LYPLAL1: variants seen among roughly 807,000 people sequenced by gnomAD.
LYPLAL1 encodes lysophospholipase like 1, also known as lysophospholipase-like protein 1.
Under a neutral mutation model 19.7 loss-of-function variants are expected in LYPLAL1, and 23 were observed. The ratio of observed to expected loss-of-function variants is 1.17; its 90% confidence interval spans 0.84 to 1.65. The LOEUF (loss-of-function observed/expected upper bound fraction) is 1.65. Among genes scored for constraint, LYPLAL1 ranks in the 40% most tolerant of loss-of-function variants. The pLI, the probability that LYPLAL1 is intolerant of heterozygous loss-of-function variation, is 0.00. For synonymous variants in LYPLAL1, 119 were observed against 96.3 expected (o/e 1.24, Z -1.38); for missense variants, 355 against 279.4 (o/e 1.27, Z -1.93).
the LYPLAL1 span, among the ~76,000 whole-genome samples, chr1:219,358,155 A>T: frequency 6.6e-6 from 1 of 152,140 alleles, no homozygotes; most frequent in African/African-American, 2.4e-5. Flanking sequence ...TGAAAATTCT[A>T]AAAAAATCAT....
At chr1:219,400,489 GTCTATCTA>G in the LYPLAL1 span, among the ~76,000 whole-genome samples, 3 of 142,188 alleles carry the variant, frequency 2.1e-5, no homozygotes, top group African/African-American at 7.5e-5. Flanking sequence ...CTATCTATCT[GTCTATCTA>G]TCTTTTTTTT....
intron 2 of LYPLAL1, among the ~76,000 whole-genome samples, chr1:219,188,592 G>A (rs934696575): frequency 4.0e-5 from 6 of 151,498 alleles, no homozygotes; most frequent in African/African-American, 2.4e-5. Flanking sequence ...GTGCCAATTT[G>A]TTAACTTAAA....
the LYPLAL1 span, among the ~76,000 whole-genome samples, chr1:219,330,218 A>G: frequency 3.3e-5 from 5 of 152,232 alleles, no homozygotes; most frequent in Non-Finnish European, 4.4e-5. Context: ...GGCAAAAGCT[A>G]GTAAGCCACA....
chr1:219,390,307 C>T, the LYPLAL1 span, among the ~76,000 whole-genome samples: 2 of 152,296 alleles, frequency 1.3e-5, no homozygotes, highest in South Asian at 4.1e-4. Flanking sequence ...GGGGCTCTCT[C>T]TGGAAGTTCC....
chr1:219,439,972 TACATATATATATATATATACAC>T, the LYPLAL1 span, among the ~76,000 whole-genome samples: 3 of 114,064 alleles, frequency 2.6e-5, no homozygotes, highest in East Asian at 4.6e-4. Flanking sequence ...TATATATATA[TACATATATATATATATATACAC>T]ACATATATAT....
At chr1:219,374,060 G>T in the LYPLAL1 span, among the ~76,000 whole-genome samples, 2 of 151,206 alleles carry the variant, frequency 1.3e-5, no homozygotes, top group Non-Finnish European at 2.9e-5. Flanking sequence ...TATCCAAGAA[G>T]TTTCCACTTT....
chr1:219,347,046 T>C, the LYPLAL1 span, among the ~76,000 whole-genome samples: 17 of 152,358 alleles, frequency 1.1e-4, no homozygotes, highest in Non-Finnish European at 2.1e-4. Context: ...ATTTTGCTTC[T>C]TGTTAATCTT....
At chr1:219,443,028 C>T in the LYPLAL1 span, among the ~76,000 whole-genome samples, 1 of 151,514 alleles carries the variant, frequency 6.6e-6, no homozygotes, top group Admixed American at 6.6e-5. Flanking sequence ...TCTAATGGGC[C>T]TCTGAGGGGA....
chr1:219,417,972 C>T, the LYPLAL1 span, among the ~76,000 whole-genome samples: 1 of 152,232 alleles, frequency 6.6e-6, no homozygotes, highest in African/African-American at 2.4e-5. Context: ...CTTGGATATT[C>T]TTCCTTAACT....
At chr1:219,422,384 C>T in the LYPLAL1 span, among the ~76,000 whole-genome samples, 1 of 152,166 alleles carries the variant, frequency 6.6e-6, no homozygotes, top group Non-Finnish European at 1.5e-5. Flanking sequence ...TTTTCCTTCA[C>T]ATCAGCTTCC....
At chr1:219,444,088 C>T in the LYPLAL1 span, among the ~76,000 whole-genome samples, 3 of 152,042 alleles carry the variant, frequency 2.0e-5, no homozygotes, top group Non-Finnish European at 4.4e-5. Context: ...TTCTCATCAA[C>T]ATTATAAGGA....
rs1318812543 is a variant in LYPLAL1 at position 219,211,766 on chromosome 1, C to G, written c.*38C>G. 1.5e-5 allele frequency: 20 copies of G among 1,376,186 alleles called. No homozygotes were observed. In the East Asian group the frequency reaches 1.6e-4, roughly 11 times the overall value. 85.2% of individuals were successfully genotyped at this position (1,376,186 alleles called of 1,614,324 possible). A position where few individuals can be genotyped will look rare whatever the true frequency, so the allele number is the denominator to read the frequency against. On this transcript the variant is annotated 3_prime_UTR_variant, in exon 5 of 5. Coordinates refer to ENST00000366928, the MANE Select transcript of LYPLAL1 (RefSeq NM_138794.5). ...TGATTTGTTAATGTAAGTGTAATGT[C>G]TTTGTGAAAAGTGATTTTTACTGCC...
chr1:219,300,318 G>A, the LYPLAL1 span, among the ~76,000 whole-genome samples: 1 of 151,912 alleles, frequency 6.6e-6, no homozygotes, highest in Non-Finnish European at 1.5e-5. Flanking sequence ...CAATCATAAG[G>A]AAAAGTATGG....
At chr1:219,360,113 C>T in the LYPLAL1 span, among the ~76,000 whole-genome samples, 2 of 152,210 alleles carry the variant, frequency 1.3e-5, no homozygotes, top group East Asian at 3.9e-4. Flanking sequence ...TAAGAAAATC[C>T]AAGAGAGCAT....
Position 219,198,214 on chromosome 1 carries a change from T to C in LYPLAL1, c.361+4963T>C, listed in dbSNP as rs1304727952. ...CAGGGTAGTTTTCTGATTGACAGCA[T>C]ATACAGAAGTATTTCAGCATTCATT... is the stretch of plus-strand genomic sequence containing the variant. On this transcript the variant is annotated intron_variant, in intron 3 of 4. Coordinates refer to ENST00000366928, the MANE Select transcript of LYPLAL1 (RefSeq NM_138794.5). 4.6e-5 allele frequency among the ~76,000 whole-genome samples: 7 copies of C among 152,212 alleles called. No individual in the cohort carries two copies. The East Asian group carries it at 1.4e-3, about 29-fold the overall frequency.
the LYPLAL1 span, among the ~76,000 whole-genome samples, chr1:219,244,279 G>A: frequency 6.6e-6 from 1 of 152,202 alleles, no homozygotes; most frequent in African/African-American, 2.4e-5. Context: ...GCACAGGGAA[G>A]TGAAAATACT....
At chr1:219,356,902 G>T in the LYPLAL1 span, among the ~76,000 whole-genome samples, 1 of 152,162 alleles carries the variant, frequency 6.6e-6, no homozygotes, top group African/African-American at 2.4e-5. Flanking sequence ...GAACATTTTG[G>T]TTCATTGAAT....
At chr1:219,265,560 A>C in the LYPLAL1 span, among the ~76,000 whole-genome samples, 147,303 of 152,258 alleles carry the variant, frequency 0.97, 71,462 homozygotes, top group East Asian at 1. Context: ...CTATAGAATT[A>C]TATTTTAATA....
At chr1:219,361,416 A>G in the LYPLAL1 span, among the ~76,000 whole-genome samples, 48 of 152,114 alleles carry the variant, frequency 3.2e-4, no homozygotes, top group African/African-American at 1.1e-3. Context: ...CTTTCAAACC[A>G]CCTATTGGAA....
Sources: allele counts gnomAD v4.1 joint callset (sites outside exome capture counted in the v4.1 genomes callset), GRCh38; gene constraint gnomAD v4.1.1; transcripts MANE v1.5; gene names NCBI Gene and HGNC (gene_info 2026-07-23, HGNC 2026-07-21).